Variants in GPR149 observed in about 807,000 individuals in gnomAD.
GPR149 encodes probable G protein-coupled receptor 149.
Under a neutral mutation model 50.2 loss-of-function variants are expected in GPR149, and 50 were observed. The observed-to-expected ratio is 1.00, with a 90% CI of 0.79 to 1.26. GPR149 has a LOEUF of 1.26. Among genes scored for constraint, GPR149 ranks in the 50% most tolerant of loss-of-function variants. The probability of loss-of-function intolerance (pLI) is 0.00; values close to 1 mark genes in which losing one functional copy is unlikely to be tolerated. For synonymous variants in GPR149, 405 were observed against 358.2 expected (o/e 1.13, Z -1.48); for missense variants, 983 against 895.4 (o/e 1.10, Z -1.25).
chr3:154,350,393 A>G (rs1714048506), intron 3 of GPR149, among the ~76,000 whole-genome samples: 1 of 152,176 alleles, frequency 6.6e-6, no homozygotes, highest in Admixed American at 6.5e-5. Context: ...TTGTACTTCT[A>G]TGACTAGCAA....
At chr3:154,344,282 G>C (rs1713872756) in intron 3 of GPR149, among the ~76,000 whole-genome samples, 1 of 152,106 alleles carries the variant, frequency 6.6e-6, no homozygotes, top group Admixed American at 6.5e-5. Flanking sequence ...TATACAACTT[G>C]AGTCACAAAC....
At position 154,421,441 on chromosome 3, in the gene GPR149, ATAACTTT is replaced by A. The variant is rs1265421426; in HGVS notation, c.1214_1220del (p.Lys405MetfsTer6). On this transcript the variant is annotated frameshift_variant, in exon 3 of 4. Transcript: ENST00000389740. LOFTEE classifies it high-confidence loss of function. ...CTTCATGTGCTATTTTATAAATCCC[ATAACTTT>A]TTTGGAATGATAGATTGAATTCAAA... The A allele has an allele frequency of 6.3e-7, 1 of 1,598,596 alleles. No homozygotes were observed. Among genetic ancestry groups the A allele is most frequent in the South Asian group, 1.1e-5 (1 of 88,086 alleles).
intron 3 of GPR149, among the ~76,000 whole-genome samples, chr3:154,392,588 A>T (rs1715195600): frequency 9.2e-6 from 1 of 108,130 alleles, no homozygotes; most frequent in Non-Finnish European, 1.9e-5. Flanking sequence ...AATAAAGATT[A>T]GAACAAAACT....
intron 3 of GPR149, among the ~76,000 whole-genome samples, chr3:154,397,711 A>C (rs940787313): frequency 2.6e-5 from 4 of 152,170 alleles, no homozygotes; most frequent in African/African-American, 9.7e-5. Context: ...GCTGATTTAA[A>C]GCTAGCACTG....
rs190887937 is a variant in GPR149 at position 154,390,231 on chromosome 3, C to T, written c.1623+30808G>A. 8.1e-4 allele frequency among the ~76,000 whole-genome samples: 123 copies of T among 152,076 alleles called. 3 individuals are homozygous for T. The highest frequency in any genetic ancestry group is 6.2e-3 in the Admixed American group (95 of 15,262). On this transcript the variant is annotated intron_variant, in intron 3 of 3. Coordinates refer to ENST00000389740, the MANE Select transcript of GPR149 (RefSeq NM_001038705.3). ...AAAATATGTTCCAAACAAAGCAACACGATAATCTTCCAGAAACCAACCCTA... is the reference window on the plus strand; with the variant it reads ...AAAATATGTTCCAAACAAAGCAACATGATAATCTTCCAGAAACCAACCCTA...
Position 154,334,968 on chromosome 3 carries a change from T to C in GPR149, c.*2731A>G, listed in dbSNP as rs1713615454. On this transcript the variant is annotated 3_prime_UTR_variant, in exon 4 of 4. Coordinates refer to ENST00000389740, the MANE Select transcript of GPR149 (RefSeq NM_001038705.3). ...ATGCATAACTAAGACTCTTTTATTA[T>C]ATTTTTAAGTAATATTGTGCCATTT... The C allele has an allele frequency of 6.6e-6, 1 of 152,134 alleles. No homozygotes were observed. Among genetic ancestry groups the C allele is most frequent in the Non-Finnish European group, 1.5e-5 (1 of 68,018 alleles). 9.4% of individuals were successfully genotyped at this position (152,134 alleles called of 1,614,324 possible).
intron 3 of GPR149, among the ~76,000 whole-genome samples, chr3:154,377,089 G>C (rs920305931): frequency 1.3e-5 from 2 of 150,682 alleles, no homozygotes; most frequent in African/African-American, 4.9e-5. Context: ...AAATACATGG[G>C]GTAGAGGATA....
chr3:154,373,000 T>C lies in GPR149; in HGVS notation c.1624-34729A>G, dbSNP rs144510843. On this transcript the variant is annotated intron_variant, in intron 3 of 3. Coordinates refer to ENST00000389740, the MANE Select transcript of GPR149 (RefSeq NM_001038705.3). The stretch of plus-strand genomic sequence containing the variant: ...ATTTTAGAAATTCAGTAGCAGGAGA[T>C]TGGGTCTAGGGCATGGTGCTCAGGA... Among the ~76,000 whole-genome samples the C allele has an allele frequency of 2.3e-3, 350 of 152,164 alleles. 1 individual carries two copies. The highest frequency in any genetic ancestry group is 8.0e-3 in the African/African-American group (331 of 41,496).
At position 154,348,156 on chromosome 3, in the gene GPR149, A is replaced by G. The variant is rs541423652; in HGVS notation, c.1624-9885T>C. ...AGAGAGAGGAATCCAAGATGTTTTT[A>G]AGCTTTCTAATCCTAGTGTCTAGTG... On this transcript the variant is annotated intron_variant, in intron 3 of 3. Transcript: ENST00000389740. Among the ~76,000 whole-genome samples the G allele has an allele frequency of 2.6e-5, 4 of 152,314 alleles. No individual in the cohort carries two copies. In the South Asian group the frequency reaches 8.3e-4, roughly 32 times the overall value.
Position 154,429,138 on chromosome 3 carries a change from C to T in GPR149, c.478G>A (p.Ala160Thr), listed in dbSNP as rs781464141. The T allele has an allele frequency of 5.6e-6, 9 of 1,613,540 alleles. No homozygotes were observed. Among genetic ancestry groups the T allele is most frequent in the Non-Finnish European group, 7.6e-6 (9 of 1,179,928 alleles). Residue 160 changes from alanine to threonine, a missense_variant, in exon 1 of 4, where the codon GCC (alanine) becomes ACC (threonine). Coordinates refer to ENST00000389740, the MANE Select transcript of GPR149 (RefSeq NM_001038705.3). The stretch of plus-strand genomic sequence containing the variant: ...GGGAGCGCCGAGAGCAGCAGACTGG[C>T]TGCCCACACGGTCAGCACCACGCCG... ...VLGVVLTVWA[A>T]SLLLSALPLC...
At chr3:154,357,161 C>T (rs1210064699) in intron 3 of GPR149, among the ~76,000 whole-genome samples, 1 of 152,132 alleles carries the variant, frequency 6.6e-6, no homozygotes, top group Non-Finnish European at 1.5e-5. Context: ...CCCTTCCTTA[C>T]ACCTTATACA....
rs183647848 is a variant in GPR149, at chr3:154,352,325, A to G, written c.1624-14054T>C. 4.2e-5 allele frequency: 43 copies of G among 1,012,238 alleles called. No homozygotes were observed. In the Admixed American group the frequency reaches 8.4e-4, roughly 20 times the overall value. The allele number at this position is 1,012,238 out of a possible 1,614,324, so 62.7% of individuals were successfully genotyped here. On this transcript the variant is annotated intron_variant, in intron 3 of 3. Coordinates refer to ENST00000389740, the MANE Select transcript of GPR149 (RefSeq NM_001038705.3). ...TTGACCAGCCATTCCTCCGTTGGGGATTAGAAGACTTGTTTCCATCATAAT... is the reference window on the plus strand; with the variant it reads ...TTGACCAGCCATTCCTCCGTTGGGGGTTAGAAGACTTGTTTCCATCATAAT...
chr3:154,363,487 C>G (rs1267599636), intron 3 of GPR149, among the ~76,000 whole-genome samples: 1 of 152,020 alleles, frequency 6.6e-6, no homozygotes, highest in Non-Finnish European at 1.5e-5. Flanking sequence ...ACTGTGTCCT[C>G]TCATAGCAAA....
intron 3 of GPR149, among the ~76,000 whole-genome samples, chr3:154,346,917 G>A (rs947168920): frequency 1.5e-4 from 23 of 152,222 alleles, no homozygotes; most frequent in African/African-American, 5.3e-4. Context: ...TTTTAATGAT[G>A]AAAACTCTAA....
chr3:154,402,286 C>T (rs1711565762), intron 3 of GPR149, among the ~76,000 whole-genome samples: 5 of 152,050 alleles, frequency 3.3e-5, no homozygotes, highest in Admixed American at 3.3e-4. Flanking sequence ...GGCACCATGG[C>T]TCACACCTGT....
At chr3:154,351,899 A>C (rs1714090019) in intron 3 of GPR149, among the ~76,000 whole-genome samples, 1 of 152,172 alleles carries the variant, frequency 6.6e-6, no homozygotes, top group African/African-American at 2.4e-5. Flanking sequence ...TAATTATCTA[A>C]TATTCTCATT....
At chr3:154,395,618 G>A (rs1715272385) in intron 3 of GPR149, among the ~76,000 whole-genome samples, 1 of 151,936 alleles carries the variant, frequency 6.6e-6, no homozygotes, top group Non-Finnish European at 1.5e-5. Context: ...GTAAGACCCT[G>A]TTTCTACGAA....
intron 3 of GPR149, among the ~76,000 whole-genome samples, chr3:154,346,134 T>C (rs981954498): frequency 3.9e-5 from 6 of 152,158 alleles, no homozygotes; most frequent in Non-Finnish European, 8.8e-5. Flanking sequence ...CTCATATAGA[T>C]GATCGTTAGG....
chr3:154,421,712 T>C (rs1576931389), intron 2 of GPR149, among the ~76,000 whole-genome samples: 1 of 151,872 alleles, frequency 6.6e-6, no homozygotes, highest in Admixed American at 6.6e-5. Flanking sequence ...GGTCTTTAAA[T>C]ACATACAATC....
Sources: allele counts gnomAD v4.1 joint callset (sites outside exome capture counted in the v4.1 genomes callset), GRCh38; gene constraint gnomAD v4.1.1; transcripts MANE v1.5; gene names NCBI Gene and HGNC (gene_info 2026-07-23, HGNC 2026-07-21).